The following QDPR variants were observed in gnomAD, a reference collection of about 807,000 sequenced individuals.
QDPR encodes the protein quinoid dihydropteridine reductase, also known as dihydropteridine reductase.
QDPR carries 23 observed loss-of-function variants against 31.7 expected under a neutral mutation model. The ratio of observed to expected loss-of-function variants is 0.73; its 90% CI spans 0.52 to 1.03. The LOEUF (loss-of-function observed/expected upper bound fraction) is 1.03. Among genes scored for constraint, QDPR ranks in the 50% least tolerant of loss-of-function variants. QDPR has a pLI of 0.00. For missense variants in QDPR, 324 were observed against 323.8 expected (o/e 1.00, Z 0.00); for synonymous variants, 124 against 124.7 (o/e 0.99, Z 0.03).
At chr4:17,502,252 G>C (rs908138238) in intron 3 of QDPR, among the ~76,000 whole-genome samples, 1 of 152,188 alleles carries the variant, frequency 6.6e-6, no homozygotes, top group Non-Finnish European at 1.5e-5. Context: ...GCCTATTACT[G>C]TACAGCTATA....
rs1189653710 is a variant in QDPR, at chr4:17,492,145, C to T, written c.545+87G>A. ...ACCAGAGGTGAGAGCACACCCAGGT[C>T]GCCTGTGGAAAGCTACAGTCAGACA... On this transcript the variant is annotated intron_variant, in intron 5 of 6. Coordinates refer to ENST00000281243, the MANE Select transcript of QDPR (RefSeq NM_000320.3). The T allele has an allele frequency of 4.7e-6, 5 of 1,053,320 alleles. No homozygotes were observed. In the African/African-American group the frequency reaches 6.3e-5, roughly 13 times the overall value. The allele number at this position is 1,053,320 out of a possible 1,614,324, so 65.2% of individuals were successfully genotyped here. A position where few individuals can be genotyped will look rare whatever the true frequency, so the allele number is the denominator to read the frequency against.
intron 2 of QDPR, among the ~76,000 whole-genome samples, chr4:17,504,678 T>TTAAAAAACAATC (rs1460040093): frequency 6.6e-6 from 1 of 152,146 alleles, no homozygotes; most frequent in Non-Finnish European, 1.5e-5. Flanking sequence ...AGTGTGATTT[T>TTAAAAAACAATC]TAAAAAACAA....
Position 17,501,195 on chromosome 4 carries a change from T to C in QDPR, c.436+524A>G, listed in dbSNP as rs183143562. On this transcript the variant is annotated intron_variant, in intron 4 of 6. Coordinates refer to ENST00000281243, the MANE Select transcript of QDPR (RefSeq NM_000320.3). ...CCAACCCTCTCACTCTCTTTTTGTTTTCTAATGTAGAGATAGGGTCTCACT... is the reference window on the plus strand; with the variant it reads ...CCAACCCTCTCACTCTCTTTTTGTTCTCTAATGTAGAGATAGGGTCTCACT... Among the ~76,000 whole-genome samples the C allele has an allele frequency of 1.8e-3, 276 of 152,230 alleles. 2 individuals carry two copies. The highest frequency in any genetic ancestry group is 4.1e-4 in the Non-Finnish European group (28 of 68,012).
intron 6 of QDPR, chr4:17,490,067 G>A (rs1217982781): frequency 6.0e-6 from 1 of 165,688 alleles, no homozygotes; most frequent in African/African-American, 2.4e-5. Context: ...AAACACAAAA[G>A]AGGAATTCAG....
At chr4:17,500,428 C>T (rs545346999) in intron 4 of QDPR, among the ~76,000 whole-genome samples, 29 of 152,266 alleles carry the variant, frequency 1.9e-4, no homozygotes, top group African/African-American at 6.7e-4. Context: ...GTCCTAATTC[C>T]CAGTACCTCA....
chr4:17,503,362 G>C (rs905234755), intron 3 of QDPR, among the ~76,000 whole-genome samples: 2 of 152,190 alleles, frequency 1.3e-5, no homozygotes, highest in East Asian at 3.8e-4. Flanking sequence ...TTGAATATGG[G>C]CTCAATATCA....
At chr4:17,495,742 T>C (rs2108989549) in intron 4 of QDPR, among the ~76,000 whole-genome samples, 1 of 152,270 alleles carries the variant, frequency 6.6e-6, no homozygotes, top group African/African-American at 2.4e-5. Flanking sequence ...GGTGAGGTAG[T>C]TCAGGCTTGT....
intron 4 of QDPR, among the ~76,000 whole-genome samples, chr4:17,498,630 CT>C (rs1718447323): frequency 6.6e-6 from 1 of 152,234 alleles, no homozygotes; most frequent in Non-Finnish European, 1.5e-5. Flanking sequence ...AAGGTCAACA[CT>C]TCCAAATTAC....
chr4:17,491,236 A>G (rs570989360), intron 5 of QDPR, among the ~76,000 whole-genome samples: 52 of 152,382 alleles, frequency 3.4e-4, no homozygotes, highest in African/African-American at 1.2e-3. Flanking sequence ...TCAGATATGC[A>G]TGAATCTCCC....
At chr4:17,496,362 TTGAA>T (rs1253832221) in intron 4 of QDPR, among the ~76,000 whole-genome samples, 3 of 143,222 alleles carry the variant, frequency 2.1e-5, no homozygotes, top group African/African-American at 7.7e-5. Flanking sequence ...GCAGAATTGC[TTGAA>T]CCAGGAGTCA....
At chr4:17,503,778 C>T (rs771792116) in intron 3 of QDPR, among the ~76,000 whole-genome samples, 2 of 152,026 alleles carry the variant, frequency 1.3e-5, no homozygotes, top group African/African-American at 2.4e-5. Flanking sequence ...GGTGAAACCC[C>T]GTCTCTACTA....
intron 4 of QDPR, 133 bp from the exon 5 acceptor site, chr4:17,492,473 C>T (rs1718203163): frequency 1.4e-6 from 1 of 740,384 alleles, no homozygotes; most frequent in African/African-American, 1.7e-5. Context: ...TCCTTCAGGT[C>T]AGACGCCCTC....
At chr4:17,502,590 A>G (rs1044761247) in intron 3 of QDPR, among the ~76,000 whole-genome samples, 4 of 152,208 alleles carry the variant, frequency 2.6e-5, no homozygotes, top group African/African-American at 9.6e-5. Flanking sequence ...TTGCTCCCAA[A>G]ACATACAAAA....
At chr4:17,503,447 G>A (rs1292055442) in intron 3 of QDPR, among the ~76,000 whole-genome samples, 2 of 152,148 alleles carry the variant, frequency 1.3e-5, no homozygotes, top group African/African-American at 4.8e-5. Flanking sequence ...CTTATTCTTT[G>A]GAGAAACACG....
At chr4:17,490,454 C>T (rs1229523931) in intron 6 of QDPR, 4 of 568,184 alleles carry the variant, frequency 7.0e-6, no homozygotes, top group South Asian at 5.4e-5. Flanking sequence ...CATGTCGGCA[C>T]TACCCATTCT....
At position 17,511,744 on chromosome 4, in the gene QDPR, G is replaced by C. The variant is rs1719016140; in HGVS notation, c.105+206C>G. The stretch of plus-strand genomic sequence containing the variant: ...GGCCCACGGAGCACCTCCTTGCACA[G>C]CAAAGGCCCAGCGCCCTGGGACTGG... On this transcript the variant is annotated intron_variant, in intron 1 of 6. Transcript: ENST00000281243. Among the ~76,000 whole-genome samples, 3 of 152,178 alleles carry C rather than the reference G, an allele frequency of 2.0e-5. No homozygotes were observed. In the South Asian group the frequency reaches 6.2e-4, roughly 31 times the overall value.
chr4:17,511,222 G>A (rs1354832389), intron 1 of QDPR, among the ~76,000 whole-genome samples: 3 of 152,088 alleles, frequency 2.0e-5, no homozygotes, highest in African/African-American at 4.8e-5. Context: ...CCTGCTGAGC[G>A]GCTGAGGTCA....
chr4:17,509,968 A>G, intron 1 of QDPR: 1 of 456,214 alleles, frequency 2.2e-6, no homozygotes, highest in East Asian at 6.9e-5. Flanking sequence ...ATCTGTTGTT[A>G]CTCAAATCTG....
intron 3 of QDPR, among the ~76,000 whole-genome samples, chr4:17,503,095 T>C (rs577019910): frequency 1.3e-5 from 2 of 152,318 alleles, no homozygotes; most frequent in East Asian, 1.9e-4. Flanking sequence ...CAAATTCCAG[T>C]TCACGGGGAA....
Sources: gnomAD v4.1 joint callset for allele counts (sites outside exome capture counted in the v4.1 genomes callset) on GRCh38, gnomAD v4.1.1 for gene constraint, MANE v1.5 for transcripts, NCBI Gene and HGNC (gene_info 2026-07-23, HGNC 2026-07-21) for gene names.